Variants in FOXP2 observed in about 807,000 individuals in gnomAD.
FOXP2 encodes forkhead box protein P2.
Under a neutral mutation model 115.8 loss-of-function variants are expected in FOXP2, and 12 were observed. That is an observed-to-expected ratio of 0.10 (90% CI 0.07 to 0.17). FOXP2 has a LOEUF of 0.17. FOXP2 is among the 10% of genes least tolerant of loss of function. The pLI, the probability that FOXP2 is intolerant of heterozygous loss-of-function variation, is 1.00. For synonymous variants in FOXP2, 328 were observed against 297.7 expected (o/e 1.10, Z -1.05); for missense variants, 629 against 843.5 (o/e 0.75, Z 3.15).
At chr7:114,461,998 C>A (rs6963722) in intron 2 of FOXP2, among the ~76,000 whole-genome samples, 1,697 of 152,164 alleles carry the variant, frequency 0.011, 15 homozygotes, top group Middle Eastern at 0.031. Context: ...AGAACAAACA[C>A]CGCCGGGCGC....
intron 3 of FOXP2, among the ~76,000 whole-genome samples, chr7:114,559,349 C>G (rs1372656525): frequency 6.6e-6 from 1 of 152,026 alleles, no homozygotes; most frequent in African/African-American, 2.4e-5. Context: ...TCTGCCCTTT[C>G]CTTGATTTCA....
In FOXP2 at chr7:114,652,188, CT is replaced by C; in HGVS notation, c.1095-13del. 6.2e-7 allele frequency: 1 copy of C among 1,611,812 alleles called. No individual in the cohort carries two copies. The highest frequency in any genetic ancestry group is 8.5e-7 in the Non-Finnish European group (1 of 1,178,358). ...CATCACTTTACATTCTGTTTTGTGT[CT>C]TCTGTTTGTTTAGGCACCTTAACAA... is the stretch of plus-strand genomic sequence containing the variant. On this transcript the variant is annotated splice_polypyrimidine_tract_variant and intron_variant, in intron 8 of 16. Coordinates refer to ENST00000350908, the MANE Select transcript of FOXP2 (RefSeq NM_014491.4).
At chr7:114,272,788 C>T (rs2129173250) in intron 1 of FOXP2, among the ~76,000 whole-genome samples, 1 of 151,850 alleles carries the variant, frequency 6.6e-6, no homozygotes, top group South Asian at 2.1e-4. Flanking sequence ...TGATTTCTCT[C>T]CTCTGTAGTG....
intron 2 of FOXP2, among the ~76,000 whole-genome samples, chr7:114,346,785 GGA>G (rs1791359577): frequency 1.3e-5 from 2 of 151,732 alleles, no homozygotes; most frequent in Admixed American, 1.3e-4. Flanking sequence ...GAGACTGGAT[GGA>G]GAGAGGGGAA....
At chr7:114,357,533 G>C in intron 2 of FOXP2, among the ~76,000 whole-genome samples, 1 of 152,100 alleles carries the variant, frequency 6.6e-6, no homozygotes, top group East Asian at 1.9e-4. Flanking sequence ...CCCTTTGGTG[G>C]TTGTGAAATG....
intron 2 of FOXP2, among the ~76,000 whole-genome samples, chr7:114,531,635 T>C (rs189491154): frequency 1.3e-5 from 2 of 151,966 alleles, no homozygotes; most frequent in Admixed American, 6.6e-5. Flanking sequence ...TAGCAGTCTC[T>C]ACTCTACCAA....
chr7:114,659,746 C>A, intron 13 of FOXP2, 73 bp downstream of exon 13: 2 of 1,189,804 alleles, frequency 1.7e-6, no homozygotes, highest in Non-Finnish European at 1.3e-6. Flanking sequence ...CATTTATTTA[C>A]ATGACATAAG....
intron 2 of FOXP2, among the ~76,000 whole-genome samples, chr7:114,334,941 A>ATATATATTTTATATATATAGAAATCTATC (rs1797811099): frequency 2.8e-5 from 4 of 144,342 alleles, no homozygotes; most frequent in African/African-American, 1.0e-4. Flanking sequence ...CTATATATAT[A>ATATATATTTTATATATATAGAAATCTATC]TATATATATA....
intron 7 of FOXP2, among the ~76,000 whole-genome samples, chr7:114,643,091 G>A (rs747797285): frequency 6.6e-6 from 1 of 151,750 alleles, no homozygotes; most frequent in Non-Finnish European, 1.5e-5. Context: ...GATTACAGGC[G>A]TGAGCCACCG....
At chr7:114,271,168 A>G (rs1248234429) in intron 1 of FOXP2, among the ~76,000 whole-genome samples, 1 of 151,894 alleles carries the variant, frequency 6.6e-6, no homozygotes, top group African/African-American at 2.4e-5. Context: ...TAGTTCCAGG[A>G]GTATTTTTGC....
intron 3 of FOXP2, among the ~76,000 whole-genome samples, chr7:114,579,380 G>A (rs912381407): frequency 2.4e-4 from 37 of 152,246 alleles, no homozygotes; most frequent in African/African-American, 8.2e-4. Context: ...AGAGGTTACA[G>A]AATTCTTTCG....
intron 2 of FOXP2, among the ~76,000 whole-genome samples, chr7:114,496,790 T>C (rs369019210): frequency 1.1e-4 from 17 of 152,316 alleles, no homozygotes; most frequent in South Asian, 1.0e-3. Flanking sequence ...GTTATTTATA[T>C]ATCAAATTGC....
intron 2 of FOXP2, among the ~76,000 whole-genome samples, chr7:114,501,136 C>G (rs934628674): frequency 1.5e-4 from 23 of 152,104 alleles, no homozygotes; most frequent in African/African-American, 5.1e-4. Context: ...CCCAACAGAA[C>G]TACAGATGCT....
chr7:114,086,522 A>G (rs1228302670), upstream of FOXP2: 1 of 384,984 alleles, frequency 2.6e-6, no homozygotes, highest in South Asian at 1.8e-5. Context: ...AGCTGCCCGG[A>G]CTCGCGCGTG....
intron 1 of FOXP2, among the ~76,000 whole-genome samples, chr7:114,191,115 C>T (rs1428640816): frequency 1.3e-5 from 2 of 152,108 alleles, no homozygotes; most frequent in Non-Finnish European, 2.9e-5. Flanking sequence ...TTCTAACTTC[C>T]GACATTTTGT....
chr7:114,442,653 C>T (rs1163657554), intron 2 of FOXP2, among the ~76,000 whole-genome samples: 1 of 151,932 alleles, frequency 6.6e-6, no homozygotes, highest in African/African-American at 2.4e-5. Flanking sequence ...GGGGTTTCAC[C>T]GTGTTGCTGA....
At chr7:114,115,434 A>T (rs1282915300) in intron 1 of FOXP2, among the ~76,000 whole-genome samples, 1 of 152,074 alleles carries the variant, frequency 6.6e-6, no homozygotes, top group Non-Finnish European at 1.5e-5. Context: ...TAACATAGTG[A>T]TCAGAGTTGT....
chr7:114,534,608 T>C lies in FOXP2; in HGVS notation c.169-9T>C, dbSNP rs754803903. 2.5e-6 allele frequency: 4 copies of C among 1,610,498 alleles called. No individual in the cohort carries two copies. Among genetic ancestry groups the C allele is most frequent in the East Asian group, 4.5e-5 (2 of 44,766 alleles). On this transcript the variant is annotated splice_polypyrimidine_tract_variant and intron_variant, in intron 2 of 16. Coordinates refer to ENST00000350908, the MANE Select transcript of FOXP2 (RefSeq NM_014491.4). ...AAATATTTAGATAAGGTTTCATTTT[T>C]ACTTCTAGGCTCTCCAGGCAGCAAG...
chr7:114,405,158 A>G (rs1793002489), intron 2 of FOXP2, among the ~76,000 whole-genome samples: 1 of 151,902 alleles, frequency 6.6e-6, no homozygotes, highest in South Asian at 2.1e-4. Context: ...GTGTTACTAT[A>G]TGATAGTTTC....
Sources: gnomAD v4.1 joint callset for allele counts (sites outside exome capture counted in the v4.1 genomes callset) on GRCh38, gnomAD v4.1.1 for gene constraint, MANE v1.5 for transcripts, NCBI Gene and HGNC (gene_info 2026-07-23, HGNC 2026-07-21) for gene names.